Variants in FAAH2 observed in about 807,000 individuals in gnomAD.
The protein encoded by FAAH2 is fatty acid amide hydrolase 2.
FAAH2 carries 60 observed loss-of-function variants against 36.9 expected under a neutral mutation model. That is an observed-to-expected ratio of 1.63 (90% CI 1.32 to 2.02). The LOEUF (loss-of-function observed/expected upper bound fraction) is 2.02, where lower values mean the gene tolerates loss of function less well. Ranked by LOEUF, FAAH2 falls within the 30% of genes most tolerant of loss-of-function variation. FAAH2 has a pLI of 0.00. For synonymous variants in FAAH2, 214 were observed against 143.8 expected, an observed-to-expected ratio of 1.49 and a Z score of -3.49; for missense variants, 689 against 397.5, an observed-to-expected ratio of 1.73 and a Z score of -6.23.
chrX:57,396,372 A>C (rs931425600), intron 7 of FAAH2, among the ~76,000 whole-genome samples: 3 of 93,871 alleles, frequency 3.2e-5, no homozygotes, highest in Admixed American at 2.3e-4. Flanking sequence ...CTTTAGGTTT[A>C]GTGTTTTTTT....
the FAAH2 span, among the ~76,000 whole-genome samples, chrX:57,245,115 A>G: frequency 1.8e-5 from 2 of 112,014 alleles, no homozygotes; most frequent in Admixed American, 1.9e-4. Flanking sequence ...TAAACCAACA[A>G]AGATCAAAAG....
At chrX:57,320,342 T>A (rs772704912) in intron 3 of FAAH2, among the ~76,000 whole-genome samples, 35 of 111,410 alleles carry the variant, frequency 3.1e-4, no homozygotes, top group African/African-American at 1.1e-3. Context: ...AACATCCCCA[T>A]CAAAAAGTGG....
In FAAH2 at chrX:57,291,935, C is replaced by A. The variant is rs180903720; in HGVS notation, c.193-563C>A. Among the ~76,000 whole-genome samples, 189 of 111,111 alleles carry A rather than the reference C, an allele frequency of 1.7e-3. 2 individuals carry two copies. The highest frequency in any genetic ancestry group is 6.0e-3 in the African/African-American group (183 of 30,722). ...CTAAATTTAAATTTAAGATAAATAA[C>A]AAATAGATTTCAGTATAATCATCCT... On this transcript the variant is annotated intron_variant, in intron 1 of 10. Transcript: ENST00000374900.
At chrX:57,306,994 G>GATAGATATATATATATATATATATATAT (rs770040896) in intron 2 of FAAH2, among the ~76,000 whole-genome samples, 1 of 31,023 alleles carries the variant, frequency 3.2e-5, no homozygotes, top group Non-Finnish European at 7.3e-5. Flanking sequence ...CACACACACA[G>GATAGATATATATATATATATATATATAT]ATACATATAT....
chrX:57,254,839 A>G, the FAAH2 span, among the ~76,000 whole-genome samples: 2 of 111,769 alleles, frequency 1.8e-5, no homozygotes, highest in Non-Finnish European at 3.8e-5. Flanking sequence ...TCTAAAATTG[A>G]CACCCTAACA....
At chrX:57,183,052 C>T in the FAAH2 span, among the ~76,000 whole-genome samples, 1 of 110,271 alleles carries the variant, frequency 9.1e-6, no homozygotes, top group African/African-American at 3.3e-5. Context: ...GACATGGAGG[C>T]CTACCTGAGG....
At chrX:57,160,011 C>G in the FAAH2 span, among the ~76,000 whole-genome samples, 1 of 111,924 alleles carries the variant, frequency 8.9e-6, no homozygotes, top group African/African-American at 3.3e-5. Context: ...AGATACGTCC[C>G]ATCAATACCA....
At chrX:57,357,742 T>A (rs12854464) in intron 5 of FAAH2, among the ~76,000 whole-genome samples, 60,534 of 110,164 alleles carry the variant, frequency 0.55, 14,423 homozygotes, top group Non-Finnish European at 0.75. Context: ...TTGGTTAGAG[T>A]GTAAATTAGT....
chrX:57,155,864 C>G, the FAAH2 span, among the ~76,000 whole-genome samples: 7 of 111,953 alleles, frequency 6.3e-5, no homozygotes, highest in Admixed American at 2.8e-4. Context: ...TGCTTCTCCT[C>G]TACCCCTGTA....
At chrX:57,463,146 A>G (rs2056990422) in intron 10 of FAAH2, among the ~76,000 whole-genome samples, 1 of 111,602 alleles carries the variant, frequency 9.0e-6, no homozygotes, top group South Asian at 3.7e-4. Flanking sequence ...CCACTGCTCA[A>G]GGAAATAAGA....
At chrX:57,374,405 T>G (rs776106909) in intron 5 of FAAH2, among the ~76,000 whole-genome samples, 1 of 111,945 alleles carries the variant, frequency 8.9e-6, no homozygotes, top group African/African-American at 3.2e-5. Flanking sequence ...ATTTTGTAGT[T>G]TTCCTTGTAG....
chrX:57,344,545 C>A (rs1311616175), intron 5 of FAAH2, among the ~76,000 whole-genome samples: 2 of 111,198 alleles, frequency 1.8e-5, no homozygotes, highest in East Asian at 2.8e-4. Flanking sequence ...GAGAGATTGA[C>A]TTTGTCTTTG....
At chrX:57,404,146 G>T (rs1462632515) in intron 7 of FAAH2, among the ~76,000 whole-genome samples, 1 of 112,316 alleles carries the variant, frequency 8.9e-6, no homozygotes, top group African/African-American at 3.2e-5. Context: ...AGTGGCCTCA[G>T]TGCTTTCAGG....
chrX:57,145,693 C>A, the FAAH2 span, among the ~76,000 whole-genome samples: 112 of 112,184 alleles, frequency 1.0e-3, no homozygotes, highest in African/African-American at 3.5e-3. Flanking sequence ...ACTTTCAGGT[C>A]TTGGATTTAA....
chrX:57,347,627 T>G (rs1267020573), intron 5 of FAAH2, among the ~76,000 whole-genome samples: 8 of 88,032 alleles, frequency 9.1e-5, no homozygotes, highest in East Asian at 3.4e-4. Context: ...TTTTTTTTTT[T>G]TTTTTTTTTT....
intron 3 of FAAH2, among the ~76,000 whole-genome samples, chrX:57,318,521 C>G (rs2052913572): frequency 1.8e-5 from 2 of 111,595 alleles, no homozygotes; most frequent in Admixed American, 9.6e-5. Flanking sequence ...GAAATTGAGG[C>G]AGTAATTAAT....
At chrX:57,343,140 T>C (rs1229292078) in intron 5 of FAAH2, among the ~76,000 whole-genome samples, 2 of 111,042 alleles carry the variant, frequency 1.8e-5, no homozygotes, top group Non-Finnish European at 3.8e-5. Context: ...AGTATATATC[T>C]GGTAATGGGA....
At chrX:57,374,560 T>G (rs945275021) in intron 5 of FAAH2, among the ~76,000 whole-genome samples, 2 of 112,150 alleles carry the variant, frequency 1.8e-5, no homozygotes, top group African/African-American at 6.5e-5. Context: ...ATTAATTTCG[T>G]ATCCTGAAAC....
intron 3 of FAAH2, among the ~76,000 whole-genome samples, chrX:57,314,273 G>A (rs750009049): frequency 7.2e-5 from 8 of 111,459 alleles, no homozygotes; most frequent in Admixed American, 3.8e-4. Context: ...ATCTTAGACA[G>A]CCACACAATA....
Sources: gnomAD v4.1 joint callset for allele counts (sites outside exome capture counted in the v4.1 genomes callset) on GRCh38, gnomAD v4.1.1 for gene constraint, MANE v1.5 for transcripts, NCBI Gene and HGNC (gene_info 2026-07-23, HGNC 2026-07-21) for gene names.